ADGRB3: variants seen among roughly 807,000 people sequenced by gnomAD.
The protein encoded by ADGRB3 is brain-specific angiogenesis inhibitor 3.
In ADGRB3, 37 loss-of-function variants were observed where a neutral mutation model predicts 193.4. The observed-to-expected ratio is 0.19, with a 90% CI of 0.15 to 0.25. The LOEUF is 0.25. Among genes scored for constraint, ADGRB3 ranks in the 10% least tolerant of loss-of-function variants. The pLI is 1.00. For synonymous variants in ADGRB3, 690 were observed against 644.2 expected, an observed-to-expected ratio of 1.07 and a Z score of -1.08; for missense variants, 1,637 against 1,852.9, an observed-to-expected ratio of 0.88 and a Z score of 2.14.
At chr6:68,679,110 G>A (rs1452278735) in intron 3 of ADGRB3, among the ~76,000 whole-genome samples, 1 of 151,794 alleles carries the variant, frequency 6.6e-6, no homozygotes, top group Non-Finnish European at 1.5e-5. Context: ...AATTATATAG[G>A]AGTCATTTGC....
intron 3 of ADGRB3, among the ~76,000 whole-genome samples, chr6:68,855,295 C>G (rs185102963): frequency 4.5e-4 from 68 of 152,182 alleles, no homozygotes; most frequent in Middle Eastern, 3.4e-3. Flanking sequence ...CAAATATAGC[C>G]TCAAGTTATA....
intron 11 of ADGRB3, among the ~76,000 whole-genome samples, chr6:69,011,605 C>T (rs1162159539): frequency 1.3e-5 from 2 of 151,878 alleles, no homozygotes; most frequent in African/African-American, 4.8e-5. Flanking sequence ...AGGTAACACA[C>T]CTGCACATGT....
chr6:68,902,028 G>T, intron 3 of ADGRB3, among the ~76,000 whole-genome samples: 1 of 151,940 alleles, frequency 6.6e-6, no homozygotes, highest in Admixed American at 6.6e-5. Context: ...TTATGAAATG[G>T]GCATGACAGA....
chr6:68,932,144 T>C (rs1165750823), intron 4 of ADGRB3, among the ~76,000 whole-genome samples: 1 of 152,140 alleles, frequency 6.6e-6, no homozygotes, highest in Non-Finnish European at 1.5e-5. Flanking sequence ...CGGCACCATC[T>C]AATGGGGGCA....
chr6:69,114,491 G>A (rs1191788588), intron 17 of ADGRB3, among the ~76,000 whole-genome samples: 1 of 152,054 alleles, frequency 6.6e-6, no homozygotes, highest in Non-Finnish European at 1.5e-5. Flanking sequence ...TTCTTTTGCT[G>A]TGCAGAAGCC....
intron 3 of ADGRB3, among the ~76,000 whole-genome samples, chr6:68,757,128 T>C (rs1354132848): frequency 1.3e-5 from 2 of 152,132 alleles, no homozygotes; most frequent in African/African-American, 4.8e-5. Context: ...TATTCATCCC[T>C]CCTGTTCTTT....
At chr6:68,845,604 G>A (rs898670404) in intron 3 of ADGRB3, among the ~76,000 whole-genome samples, 4 of 152,146 alleles carry the variant, frequency 2.6e-5, no homozygotes, top group African/African-American at 9.7e-5. Context: ...TCTTGTGATA[G>A]TGAATAAGTG....
chr6:69,068,391 T>C (rs1365170328), intron 16 of ADGRB3, among the ~76,000 whole-genome samples: 2 of 152,204 alleles, frequency 1.3e-5, no homozygotes, highest in Non-Finnish European at 2.9e-5. Context: ...AGTTATTTAA[T>C]TAATCTATTT....
chr6:68,807,899 T>C (rs1007148491), intron 3 of ADGRB3, among the ~76,000 whole-genome samples: 1 of 152,172 alleles, frequency 6.6e-6, no homozygotes, highest in African/African-American at 2.4e-5. Flanking sequence ...AAAACATTTA[T>C]TACGTATTTA....
intron 29 of ADGRB3, among the ~76,000 whole-genome samples, chr6:69,370,063 T>C (rs1769674243): frequency 6.6e-6 from 1 of 152,166 alleles, no homozygotes; most frequent in African/African-American, 2.4e-5. Context: ...CAAGAGATAG[T>C]AAATGAAATG....
intron 15 of ADGRB3, among the ~76,000 whole-genome samples, chr6:69,052,483 T>C (rs1771427761): frequency 6.6e-6 from 1 of 152,230 alleles, no homozygotes; most frequent in Non-Finnish European, 1.5e-5. Flanking sequence ...ACGTTTGTTA[T>C]ACACAGAAAT....
chr6:69,359,235 A>T (rs1769395074), intron 28 of ADGRB3, among the ~76,000 whole-genome samples: 1 of 151,640 alleles, frequency 6.6e-6, no homozygotes, highest in Non-Finnish European at 1.5e-5. Context: ...TTAAGTATTT[A>T]TTTACAATAT....
chr6:68,756,564 G>A (rs947431962), intron 3 of ADGRB3, among the ~76,000 whole-genome samples: 6 of 152,028 alleles, frequency 3.9e-5, no homozygotes, highest in African/African-American at 1.4e-4. Context: ...TTCCTGTAGT[G>A]CAGGTGCTCA....
intron 17 of ADGRB3, among the ~76,000 whole-genome samples, chr6:69,156,452 G>A (rs1467235224): frequency 1.3e-5 from 2 of 152,178 alleles, no homozygotes; most frequent in Non-Finnish European, 2.9e-5. Flanking sequence ...ATGGCCCTCA[G>A]GCAGGAAACA....
chr6:69,090,313 T>C (rs548636297), intron 17 of ADGRB3, among the ~76,000 whole-genome samples: 1 of 152,284 alleles, frequency 6.6e-6, no homozygotes, highest in Admixed American at 6.5e-5. Context: ...TTTGGAAACT[T>C]GGCTGCAGTA....
Position 69,389,088 on chromosome 6 carries a change from CCAT to C in ADGRB3, c.*199_*201del. ...GAGATGACCAGGTGTACAGTTCTGACCATCCTGTGTTGTAAGTACCCGTGGAAT... is the reference window on the plus strand; with the variant it reads ...GAGATGACCAGGTGTACAGTTCTGACCCTGTGTTGTAAGTACCCGTGGAAT... On this transcript the variant is annotated 3_prime_UTR_variant, in exon 32 of 32. Transcript: ENST00000370598. The C allele has an allele frequency of 2.0e-6, 1 of 498,934 alleles. No individual in the cohort carries two copies. The highest frequency in any genetic ancestry group is 3.2e-5 in the South Asian group (1 of 31,394). The allele number at this position is 498,934 out of a possible 1,614,324, so 30.9% of individuals were successfully genotyped here. A position where few individuals can be genotyped will look rare whatever the true frequency, so the allele number is the denominator to read the frequency against.
intron 3 of ADGRB3, among the ~76,000 whole-genome samples, chr6:68,850,007 A>G (rs1011102459): frequency 2.0e-5 from 3 of 151,984 alleles, no homozygotes; most frequent in Non-Finnish European, 4.4e-5. Flanking sequence ...TTTTACACAT[A>G]TTTAAAATAT....
chr6:69,217,675 C>T (rs907999392), intron 17 of ADGRB3, among the ~76,000 whole-genome samples: 4 of 152,114 alleles, frequency 2.6e-5, no homozygotes, highest in East Asian at 1.9e-4. Flanking sequence ...TGAAAGATGC[C>T]ATGGGAGATT....
At chr6:69,130,594 C>T (rs1198308081) in intron 17 of ADGRB3, among the ~76,000 whole-genome samples, 3 of 150,580 alleles carry the variant, frequency 2.0e-5, no homozygotes, top group Admixed American at 1.3e-4. Context: ...CGACTGGGCT[C>T]CTTTTTTTTC....
Sources: gnomAD v4.1 joint callset for allele counts (sites outside exome capture counted in the v4.1 genomes callset) on GRCh38, gnomAD v4.1.1 for gene constraint, MANE v1.5 for transcripts, NCBI Gene and HGNC (gene_info 2026-07-23, HGNC 2026-07-21) for gene names.